The following AFAP1 variants were observed in gnomAD, a reference collection of about 807,000 sequenced individuals.
AFAP1 encodes actin filament associated protein 1, also known as actin filament-associated protein 1.
In AFAP1, 75 loss-of-function variants were observed where a neutral mutation model predicts 93.9. The observed-to-expected ratio is 0.80, with a 90% CI of 0.66 to 0.97. The LOEUF (loss-of-function observed/expected upper bound fraction) is 0.97, where lower values mean the gene tolerates loss of function less well. Ranked by LOEUF, AFAP1 falls within the 50% of genes least tolerant of loss-of-function variation. The pLI is 0.00. For synonymous variants in AFAP1, 517 were observed against 430.7 expected (o/e 1.20, Z -2.48); for missense variants, 1,201 against 1,050.8 (o/e 1.14, Z -1.98).
chr4:7,814,159 C>T (rs186672760), intron 8 of AFAP1, among the ~76,000 whole-genome samples: 71 of 152,198 alleles, frequency 4.7e-4, no homozygotes, highest in Non-Finnish European at 6.0e-4. Flanking sequence ...AGACAAAGAA[C>T]TCTCAAAACT....
intron 17 of AFAP1, among the ~76,000 whole-genome samples, chr4:7,766,082 T>A (rs1365840244): frequency 6.6e-6 from 1 of 152,064 alleles, no homozygotes; most frequent in Non-Finnish European, 1.5e-5. Flanking sequence ...AAAGCTCGAG[T>A]TCAACTCATG....
At chr4:7,894,727 G>T (rs1718669759) in intron 1 of AFAP1, among the ~76,000 whole-genome samples, 1 of 152,146 alleles carries the variant, frequency 6.6e-6, no homozygotes, top group Admixed American at 6.5e-5. Context: ...CGATGAAGAG[G>T]TAGGTCTGAA....
Position 7,843,141 on chromosome 4 carries a change from G to C in AFAP1, c.544C>G (p.Leu182Val). Residue 182 changes from leucine to valine, a missense_variant and splice_region_variant, in exon 5 of 18, where the codon CTG (leucine) becomes GTG (valine). Leu to Val is a conservative substitution (Grantham distance 32). Transcript: ENST00000420658. Reference protein sequence around the residue: ...LLCVIKDTKLLCYKSSKDQQP... With the variant: ...LLCVIKDTKLVCYKSSKDQQP... ...GCAAGCGATTCCAAATGTCTTACCA[G>C]CAGTTTGGTGTCTTTGATGACGCAG... 1 of 1,613,690 alleles carries C rather than the reference G, an allele frequency of 6.2e-7. No homozygotes were observed. Among genetic ancestry groups the C allele is most frequent in the East Asian group, 2.2e-5 (1 of 44,874 alleles).
chr4:7,800,717 A>C (rs1041436039), intron 9 of AFAP1, 64 bp from the exon 10 acceptor site: 47 of 1,539,628 alleles, frequency 3.1e-5, no homozygotes, highest in Non-Finnish European at 3.9e-5. Context: ...GAAGACGTCT[A>C]GGGTCACACT....
At chr4:7,909,196 A>G (rs1003294269) in intron 1 of AFAP1, among the ~76,000 whole-genome samples, 3 of 152,216 alleles carry the variant, frequency 2.0e-5, no homozygotes, top group African/African-American at 7.2e-5. Context: ...CAAACTAAGC[A>G]CTTTGCACAC....
intron 1 of AFAP1, among the ~76,000 whole-genome samples, chr4:7,902,204 T>C (rs896657559): frequency 6.6e-6 from 1 of 152,126 alleles, no homozygotes; most frequent in African/African-American, 2.4e-5. Flanking sequence ...AATAATCAGT[T>C]CTCAGCGGGC....
At chr4:7,799,009 T>C in intron 10 of AFAP1, 1 of 986,166 alleles carries the variant, frequency 1.0e-6, no homozygotes, top group Non-Finnish European at 1.2e-6. Context: ...TTTATTTAAG[T>C]TTTCAGCTTT....
chr4:7,856,063 A>G (rs1443218822), intron 3 of AFAP1, among the ~76,000 whole-genome samples: 1 of 152,190 alleles, frequency 6.6e-6, no homozygotes, highest in Non-Finnish European at 1.5e-5. Flanking sequence ...CACTCATCAC[A>G]GAGTGAGTTG....
chr4:7,836,085 AC>A (rs1712266244), intron 6 of AFAP1, among the ~76,000 whole-genome samples: 1 of 152,188 alleles, frequency 6.6e-6, no homozygotes, highest in African/African-American at 2.4e-5. Context: ...CCCCTACTTC[AC>A]AGTGTATGCA....
At chr4:7,929,419 C>A (rs1359355973) in intron 1 of AFAP1, among the ~76,000 whole-genome samples, 1 of 152,176 alleles carries the variant, frequency 6.6e-6, no homozygotes, top group Admixed American at 6.5e-5. Context: ...TCCTAAAAAA[C>A]AAAGAGAATT....
chr4:7,889,542 C>CAAAAAAAAAAAAA (rs576725041), intron 1 of AFAP1, among the ~76,000 whole-genome samples: 1 of 60,672 alleles, frequency 1.6e-5, no homozygotes, highest in Non-Finnish European at 3.5e-5. Flanking sequence ...AACTCCATCC[C>CAAAAAAAAAAAAA]AAAAAAAAAA....
chr4:7,865,432 A>T (rs1019013947), intron 3 of AFAP1, among the ~76,000 whole-genome samples: 52 of 152,242 alleles, frequency 3.4e-4, no homozygotes, highest in Non-Finnish European at 1.5e-5. Flanking sequence ...ATACCTTTTT[A>T]AAATTTTCTC....
At position 7,772,582 on chromosome 4, in the gene AFAP1, C is replaced by T. The variant is rs542123635; in HGVS notation, c.2253+238G>A. On this transcript the variant is annotated intron_variant, in intron 16 of 17. Coordinates refer to ENST00000420658, the MANE Select transcript of AFAP1 (RefSeq NM_001134647.2). Reference sequence around the variant, plus strand: ...ACAGATTGTGCAAAGGGGAAAGACACAGACTCAGCATTTCCACAGCTTTTA... The same window carrying T: ...ACAGATTGTGCAAAGGGGAAAGACATAGACTCAGCATTTCCACAGCTTTTA... The T allele has an allele frequency of 1.2e-4, 64 of 527,970 alleles. No homozygotes were observed. In the South Asian group the frequency reaches 1.4e-3, roughly 11 times the overall value. 32.7% of individuals were successfully genotyped at this position (527,970 alleles called of 1,614,324 possible).
chr4:7,763,882 T>G, intron 17 of AFAP1, 91 bp from the exon 18 acceptor site: 1 of 1,343,320 alleles, frequency 7.4e-7, no homozygotes, highest in South Asian at 1.3e-5. Context: ...TCAGAGGGGG[T>G]GGGTGCTCGG....
In AFAP1 at chr4:7,800,629, CTGT is replaced by C. The variant is rs1718934855; in HGVS notation, c.1076_1078del (p.Asn359del). The C allele has an allele frequency of 1.2e-6, 2 of 1,614,086 alleles. No individual in the cohort carries two copies. The highest frequency in any genetic ancestry group is 1.7e-6 in the Non-Finnish European group (2 of 1,180,046). On this transcript the variant is annotated inframe_deletion, in exon 10 of 18. Coordinates refer to ENST00000420658, the MANE Select transcript of AFAP1 (RefSeq NM_001134647.2). ...TCGGCACCAGCGCTCTCGCCAGCGG[CTGT>C]TGGAGAGCACGTTCAGATAGCCTGC...
chr4:7,845,748 C>G lies in AFAP1; in HGVS notation c.335-2398G>C, dbSNP rs780238639. On this transcript the variant is annotated intron_variant, in intron 4 of 17. Transcript: ENST00000420658. ...TCAGCACCTACACTCACCAAGCACC[C>G]CCTGCTTCACAGGGCAGCCACAGGG... Among the ~76,000 whole-genome samples, 134 of 152,294 alleles carry G rather than the reference C, an allele frequency of 8.8e-4. 2 individuals are homozygous for G. The highest frequency in any genetic ancestry group is 1.0e-3 in the Non-Finnish European group (71 of 68,020).
At chr4:7,860,325 CT>C (rs1167065098) in intron 3 of AFAP1, among the ~76,000 whole-genome samples, 1 of 151,964 alleles carries the variant, frequency 6.6e-6, no homozygotes, top group Non-Finnish European at 1.5e-5. Flanking sequence ...GCATTATGTA[CT>C]TACTGCTTGA....
rs1240595993 is a variant in AFAP1, at chr4:7,762,517, T to A, written c.*1248A>T. The stretch of plus-strand genomic sequence containing the variant: ...CGGGAGACCAAGAAGTTAATCTGAT[T>A]TTTAAACCCAGGGGGTAAATACCAG... On this transcript the variant is annotated 3_prime_UTR_variant, in exon 18 of 18. Transcript: ENST00000420658. 1 of 152,258 alleles carries A rather than the reference T, an allele frequency of 6.6e-6. No individual in the cohort carries two copies. Among genetic ancestry groups the A allele is most frequent in the African/African-American group, 2.4e-5 (1 of 41,454 alleles). The allele number at this position is 152,258 out of a possible 1,614,324, so 9.4% of individuals were successfully genotyped here.
chr4:7,838,504 A>T lies in AFAP1; in HGVS notation c.726+20T>A, dbSNP rs2149106029. On this transcript the variant is annotated intron_variant, in intron 6 of 17. Coordinates refer to ENST00000420658, the MANE Select transcript of AFAP1 (RefSeq NM_001134647.2). ...GGCATGTGGAACTGAAATGGCTGTG[A>T]AACACAGCAGACAACCTACCTTCAG... 2 of 1,599,266 alleles carry T rather than the reference A, an allele frequency of 1.3e-6. No individual in the cohort carries two copies. The highest frequency in any genetic ancestry group is 4.5e-5 in the East Asian group (2 of 44,584).
Sources: allele counts gnomAD v4.1 joint callset (sites outside exome capture counted in the v4.1 genomes callset), GRCh38; gene constraint gnomAD v4.1.1; transcripts MANE v1.5; gene names NCBI Gene and HGNC (gene_info 2026-07-23, HGNC 2026-07-21).